The following NCOR1 variants were observed in gnomAD, a reference collection of about 807,000 sequenced individuals.
The protein encoded by NCOR1 is protein phosphatase 1, regulatory subunit 109.
Under a neutral mutation model 288.1 loss-of-function variants are expected in NCOR1, and 63 were observed. That is an observed-to-expected ratio of 0.22 (90% confidence interval 0.18 to 0.27). The LOEUF is 0.27. Ranked by LOEUF, NCOR1 falls within the 10% of genes least tolerant of loss-of-function variation. The probability of loss-of-function intolerance (pLI) is 1.00; values close to 1 mark genes in which losing one functional copy is unlikely to be tolerated. For synonymous variants in NCOR1, 1,007 were observed against 1,065.9 expected, an observed-to-expected ratio of 0.94 and a Z score of 1.08; for missense variants, 2,397 against 3,019.2, an observed-to-expected ratio of 0.79 and a Z score of 4.83.
chr17:16,113,008 T>TC (rs1448801955), intron 18 of NCOR1, among the ~76,000 whole-genome samples: 2 of 152,302 alleles, frequency 1.3e-5, no homozygotes, highest in African/African-American at 4.8e-5. Flanking sequence ...CCTCCTGGGT[T>TC]CACACCATTC....
intron 1 of NCOR1, among the ~76,000 whole-genome samples, chr17:16,210,721 T>C (rs745609488): frequency 2.0e-5 from 3 of 151,844 alleles, no homozygotes; most frequent in Non-Finnish European, 4.4e-5. Context: ...CATTTCCTAT[T>C]CACTCCAATT....
At chr17:16,103,664 G>A (rs2068039866) in intron 19 of NCOR1, among the ~76,000 whole-genome samples, 2 of 152,116 alleles carry the variant, frequency 1.3e-5, no homozygotes, top group South Asian at 2.1e-4. Context: ...CACCTTTACT[G>A]AAAGGCTCTT....
intron 44 of NCOR1, among the ~76,000 whole-genome samples, chr17:16,038,243 T>G (rs2056824932): frequency 1.3e-5 from 2 of 152,212 alleles, no homozygotes. Context: ...AAAAAGGTTG[T>G]AAGATTAAAG....
At chr17:16,185,503 G>A (rs544087912) in intron 3 of NCOR1, among the ~76,000 whole-genome samples, 58 of 151,788 alleles carry the variant, frequency 3.8e-4, no homozygotes, top group African/African-American at 1.3e-3. Flanking sequence ...GGTCAACACG[G>A]CAAAACCCCA....
chr17:16,145,687 G>A (rs1028464670), intron 10 of NCOR1, among the ~76,000 whole-genome samples: 2 of 151,706 alleles, frequency 1.3e-5, no homozygotes, highest in Non-Finnish European at 2.9e-5. Flanking sequence ...GGCAGCCCCC[G>A]CCCAGCCAGC....
chr17:16,098,353 C>A lies in NCOR1; in HGVS notation c.2820+14G>T, dbSNP rs372738725. Reference sequence around the variant, plus strand: ...TTTTCATATTTAGTTTTCTTCCTCACAATAAAAACTTACCATTGGTGGGAT... The same window carrying A: ...TTTTCATATTTAGTTTTCTTCCTCAAAATAAAAACTTACCATTGGTGGGAT... On this transcript the variant is annotated intron_variant, in intron 21 of 45. Transcript: ENST00000268712. 1 of 1,611,872 alleles carries A rather than the reference C, an allele frequency of 6.2e-7. No homozygotes were observed. Among genetic ancestry groups the A allele is most frequent in the Admixed American group, 1.7e-5 (1 of 59,634 alleles).
At chr17:16,139,522 T>C (rs1010546899) in intron 11 of NCOR1, among the ~76,000 whole-genome samples, 3 of 152,354 alleles carry the variant, frequency 2.0e-5, no homozygotes, top group Non-Finnish European at 4.4e-5. Context: ...GGTGACCTTA[T>C]GGAGCATTTA....
In NCOR1 at chr17:16,070,406, T is replaced by C; in HGVS notation, c.4272A>G (p.Pro1424=). The C allele has an allele frequency of 1.2e-6, 2 of 1,614,216 alleles. No homozygotes were observed. Among genetic ancestry groups the C allele is most frequent in the South Asian group, 1.1e-5 (1 of 91,088 alleles). ...SRGMPPLEIV[P]ENIKVVERGK... ...CCCGTTCTACCACTTTTATGTTCTC[T>C]GGCACAATTTCCAGCGGAGGCATTC... Residue 1424 remains proline (P), a synonymous_variant, in exon 31 of 46, where the codon CCA becomes CCG. Coordinates refer to ENST00000268712, the MANE Select transcript of NCOR1 (RefSeq NM_006311.4).
chr17:16,029,718 C>T lies in NCOR1; in HGVS notation c.*2578G>A, dbSNP rs2058123236. 1 of 152,796 alleles carries T rather than the reference C, an allele frequency of 6.5e-6. No homozygotes were observed. The highest frequency in any genetic ancestry group is 1.5e-5 in the Non-Finnish European group (1 of 68,428). 9.5% of individuals were successfully genotyped at this position (152,796 alleles called of 1,614,324 possible). On this transcript the variant is annotated 3_prime_UTR_variant, in exon 46 of 46. Coordinates refer to ENST00000268712, the MANE Select transcript of NCOR1 (RefSeq NM_006311.4). ...CTTAAATCATGATAAGGTGAACCTCCATAGGTAAACCATGTGAGAATTCTG... is the reference window on the plus strand; with the variant it reads ...CTTAAATCATGATAAGGTGAACCTCTATAGGTAAACCATGTGAGAATTCTG...
intron 40 of NCOR1, among the ~76,000 whole-genome samples, chr17:16,055,461 G>A (rs1436555256): frequency 1.3e-5 from 2 of 152,140 alleles, no homozygotes; most frequent in Non-Finnish European, 1.5e-5. Flanking sequence ...ACTTATAAGC[G>A]GGAGCTAAAT....
intron 10 of NCOR1, among the ~76,000 whole-genome samples, chr17:16,145,253 C>T (rs1190218214): frequency 2.0e-5 from 3 of 152,226 alleles, no homozygotes; most frequent in Non-Finnish European, 4.4e-5. Context: ...TTGCTACAAC[C>T]TCCACCTCCC....
rs765840798 is a variant in NCOR1 at position 16,121,199 on chromosome 17, G to A, written c.1705C>T (p.Pro569Ser). The change falls in exon 16 of 46, where the codon CCC (proline) becomes TCC (serine). Residue 569 changes from proline (P) to serine (S), a missense_variant. Pro to Ser is a moderately conservative substitution (Grantham distance 74). This residue lies in a region of NCOR1 where 113 missense variants were observed against 139.5 expected (regional missense o/e 0.81). Transcript: ENST00000268712. ...CTGTTGGCAGTCTTTCGCCCCCGGG[G>A]TGTGGCTTGCTCTCTTTCCTCAGTT... The part of the protein sequence containing the change: ...EETEEREQAT[P>S]RGRKTANSQG... The A allele has an allele frequency of 1.9e-6, 3 of 1,614,124 alleles. No homozygotes were observed. The Admixed American group carries it at 5.0e-5, about 27-fold the overall frequency.
At chr17:16,048,320 C>CA (rs1475548198) in intron 41 of NCOR1, among the ~76,000 whole-genome samples, 78 of 152,282 alleles carry the variant, frequency 5.1e-4, no homozygotes, top group Admixed American at 5.1e-3. Context: ...GCCAGGAACT[C>CA]AGATGCCATG....
At chr17:16,081,654 C>A (rs142310364) in intron 23 of NCOR1, among the ~76,000 whole-genome samples, 1 of 152,290 alleles carries the variant, frequency 6.6e-6, no homozygotes, top group African/African-American at 2.4e-5. Flanking sequence ...ATTCACAAAG[C>A]TGTCTTTATT....
chr17:16,196,458 C>T (rs1397077928), intron 1 of NCOR1, among the ~76,000 whole-genome samples: 1 of 152,076 alleles, frequency 6.6e-6, no homozygotes, highest in East Asian at 1.9e-4. Context: ...TCTCCTAAGG[C>T]CAGGCGTTCA....
chr17:16,113,719 C>T (rs1215006984), intron 18 of NCOR1, among the ~76,000 whole-genome samples: 1 of 152,028 alleles, frequency 6.6e-6, no homozygotes, highest in Non-Finnish European at 1.5e-5. Context: ...ATGGTGAAAC[C>T]CCATCTCTAC....
chr17:16,110,327 G>A (rs559159875), intron 18 of NCOR1, among the ~76,000 whole-genome samples: 1 of 151,978 alleles, frequency 6.6e-6, no homozygotes, highest in East Asian at 1.9e-4. Flanking sequence ...CTGCACTCCA[G>A]GCTGGGTGAC....
chr17:16,073,415 A>G lies in NCOR1; in HGVS notation c.3811+14T>C. Reference sequence around the variant, plus strand: ...AACATGTATCAAAATAACATTCTGAAAACAATGCTTTACCCTCTAACGGTG... The same window carrying G: ...AACATGTATCAAAATAACATTCTGAGAACAATGCTTTACCCTCTAACGGTG... On this transcript the variant is annotated intron_variant, in intron 28 of 45. Transcript: ENST00000268712. 1.3e-6 allele frequency: 2 copies of G among 1,556,024 alleles called. No homozygotes were observed. Among genetic ancestry groups the G allele is most frequent in the Non-Finnish European group, 1.7e-6 (2 of 1,155,630 alleles).
intron 2 of NCOR1, among the ~76,000 whole-genome samples, chr17:16,190,853 G>A (rs1030501185): frequency 2.0e-5 from 3 of 152,168 alleles, no homozygotes; most frequent in Admixed American, 6.5e-5. Context: ...GGGCTTGATC[G>A]CTGAGAGAAA....
Sources: allele counts gnomAD v4.1 joint callset (sites outside exome capture counted in the v4.1 genomes callset), GRCh38; gene constraint gnomAD v4.1.1; regional missense constraint gnomAD v4.1.1; transcripts MANE v1.5; gene names NCBI Gene and HGNC (gene_info 2026-07-23, HGNC 2026-07-21).